ARL13B: variants seen among roughly 807,000 people sequenced by gnomAD.
The protein encoded by ARL13B is ARF like GTPase 13B.
Under a neutral mutation model 56.1 loss-of-function variants are expected in ARL13B, and 36 were observed. The observed-to-expected ratio is 0.64, with a 90% CI of 0.49 to 0.85. The LOEUF is 0.85. ARL13B is among the 40% of genes least tolerant of loss of function. ARL13B has a pLI of 0.00. For missense variants in ARL13B, 519 were observed against 507.1 expected (o/e 1.02, Z -0.23); for synonymous variants, 178 against 171.1 (o/e 1.04, Z -0.32).
At position 94,054,785 on chromosome 3, in the gene ARL13B, A is replaced by G; in HGVS notation, c.*1522A>G. ...ACTTAGCAACCACACTGAGTGAGGT[A>G]AAAGCATTTGATTTCAGATCTAAAA... On this transcript the variant is annotated 3_prime_UTR_variant, in exon 10 of 10. Coordinates refer to ENST00000394222, the MANE Select transcript of ARL13B (RefSeq NM_001174150.2). 1 of 403,306 alleles carries G rather than the reference A, an allele frequency of 2.5e-6. No individual in the cohort carries two copies. The highest frequency in any genetic ancestry group is 5.0e-6 in the Non-Finnish European group (1 of 201,860). 25.0% of individuals were successfully genotyped at this position (403,306 alleles called of 1,614,324 possible).
intron 2 of ARL13B, among the ~76,000 whole-genome samples, chr3:94,000,102 A>G (rs991313975): frequency 6.6e-6 from 1 of 152,174 alleles, no homozygotes; most frequent in African/African-American, 2.4e-5. Context: ...CATGACTAGA[A>G]GCAGTGGTGT....
At chr3:94,024,795 T>C (rs2076522228) in intron 3 of ARL13B, among the ~76,000 whole-genome samples, 1 of 152,090 alleles carries the variant, frequency 6.6e-6, no homozygotes, top group South Asian at 2.1e-4. Context: ...GCTGTGTTGC[T>C]CAGGCTGATC....
Position 94,054,020 on chromosome 3 carries a change from TAA to T in ARL13B, c.*759_*760del. ...TGAGACTGGAAATACCTTTTGTACC[TAA>T]ATGTTTTTTAAATTAATCAAAATAC... On this transcript the variant is annotated 3_prime_UTR_variant, in exon 10 of 10. Coordinates refer to ENST00000394222, the MANE Select transcript of ARL13B (RefSeq NM_001174150.2). The T allele has an allele frequency of 2.3e-6, 1 of 430,444 alleles. No homozygotes were observed. The highest frequency in any genetic ancestry group is 1.7e-5 in the South Asian group (1 of 59,394). The allele number at this position is 430,444 out of a possible 1,614,324, so 26.7% of individuals were successfully genotyped here. A position where few individuals can be genotyped will look rare whatever the true frequency, so the allele number is the denominator to read the frequency against.
chr3:93,991,825 G>T (rs2075882188), intron 1 of ARL13B, among the ~76,000 whole-genome samples: 2 of 152,086 alleles, frequency 1.3e-5, no homozygotes, highest in Non-Finnish European at 2.9e-5. Flanking sequence ...TTGTTATCAG[G>T]CTTTGCAGTA....
intron 3 of ARL13B, among the ~76,000 whole-genome samples, chr3:94,008,762 A>C (rs2076174030): frequency 6.6e-6 from 1 of 152,142 alleles, no homozygotes; most frequent in African/African-American, 2.4e-5. Context: ...CTGGAGAGGC[A>C]CAGGCTAAAA....
At chr3:94,018,956 G>A (rs542421760) in intron 3 of ARL13B, among the ~76,000 whole-genome samples, 17 of 152,106 alleles carry the variant, frequency 1.1e-4, no homozygotes, top group African/African-American at 4.1e-4. Flanking sequence ...ATTAACGACA[G>A]GGTTTCACCA....
chr3:94,027,806 A>G (rs910460340), intron 3 of ARL13B, among the ~76,000 whole-genome samples: 9 of 152,136 alleles, frequency 5.9e-5, no homozygotes, highest in Non-Finnish European at 1.2e-4. Flanking sequence ...TTGAAATATT[A>G]TAAAGGTTAG....
intron 5 of ARL13B, among the ~76,000 whole-genome samples, chr3:94,037,216 A>G (rs965431272): frequency 6.6e-6 from 1 of 152,208 alleles, no homozygotes; most frequent in Non-Finnish European, 1.5e-5. Flanking sequence ...ATCAGGCTTA[A>G]TATGTCAATA....
chr3:93,999,277 T>C (rs1244471860), intron 2 of ARL13B, among the ~76,000 whole-genome samples: 3 of 151,942 alleles, frequency 2.0e-5, no homozygotes. Flanking sequence ...GGTATCACTT[T>C]GTCATCTAGG....
chr3:94,042,748 A>G (rs1337219061), intron 6 of ARL13B, among the ~76,000 whole-genome samples: 1 of 152,222 alleles, frequency 6.6e-6, no homozygotes, highest in Non-Finnish European at 1.5e-5. Context: ...AACAGATTAT[A>G]TACGGAATAA....
chr3:93,991,045 A>G (rs1242111300), intron 1 of ARL13B, among the ~76,000 whole-genome samples: 1 of 152,282 alleles, frequency 6.6e-6, no homozygotes, highest in South Asian at 2.1e-4. Flanking sequence ...TTTATGTTTT[A>G]GTCACTGTCA....
intron 3 of ARL13B, among the ~76,000 whole-genome samples, chr3:94,004,479 A>G (rs1185111234): frequency 2.0e-5 from 3 of 152,124 alleles, no homozygotes; most frequent in Non-Finnish European, 4.4e-5. Flanking sequence ...CCCTCATAGC[A>G]TTTATGCATG....
chr3:94,012,951 G>A (rs35815512), intron 3 of ARL13B, among the ~76,000 whole-genome samples: 52,019 of 152,052 alleles, frequency 0.34, 10,949 homozygotes, highest in East Asian at 0.55. Flanking sequence ...TGAGATCCTT[G>A]TGTTGATTAC....
At chr3:94,024,165 C>T (rs558778579) in intron 3 of ARL13B, among the ~76,000 whole-genome samples, 5 of 152,260 alleles carry the variant, frequency 3.3e-5, no homozygotes, top group Non-Finnish European at 7.4e-5. Context: ...GAAAGGATCT[C>T]GCTCTTTTGT....
rs559666016 is a variant in ARL13B at position 94,040,360 on chromosome 3, A to T, written c.798+372A>T. 1.9e-4 allele frequency among the ~76,000 whole-genome samples: 29 copies of T among 152,254 alleles called. No individual in the cohort carries two copies. The South Asian group carries it at 6.0e-3, about 32-fold the overall frequency. On this transcript the variant is annotated intron_variant, in intron 6 of 9. Coordinates refer to ENST00000394222, the MANE Select transcript of ARL13B (RefSeq NM_001174150.2). Reference sequence around the variant, plus strand: ...TGTATTGCTGTTACTGTCCATCTGCAATATTTACTTAGAATGCATTAGGGT... The same window carrying T: ...TGTATTGCTGTTACTGTCCATCTGCTATATTTACTTAGAATGCATTAGGGT...
intron 2 of ARL13B, among the ~76,000 whole-genome samples, chr3:93,998,425 C>A (rs908176489): frequency 1.3e-5 from 2 of 152,066 alleles, no homozygotes. Context: ...AACTTCGAGC[C>A]CCACTCCCCA....
chr3:93,980,408 G>A lies in ARL13B; in HGVS notation c.-16G>A, dbSNP rs201408440. 1.1e-4 allele frequency: 180 copies of A among 1,611,630 alleles called. No homozygotes were observed. In the East Asian group the frequency reaches 3.4e-3, roughly 31 times the overall value. On this transcript the variant is annotated 5_prime_UTR_variant, in exon 1 of 10. Coordinates refer to ENST00000394222, the MANE Select transcript of ARL13B (RefSeq NM_001174150.2). ...CTCCGGGCTCGGATGGGAAGTGGTG[G>A]GAGGAGCGACCCGGGATGTTCAGTC...
Position 94,025,601 on chromosome 3 carries a change from C to T in ARL13B, c.381-9730C>T, listed in dbSNP as rs1427051419. On this transcript the variant is annotated intron_variant, in intron 3 of 9. Transcript: ENST00000394222. ...TTAGTGAAATTCGTCAGTAGCCTAGCTTCATTGGGGAGTTATACAAGAATG... is the reference window on the plus strand; with the variant it reads ...TTAGTGAAATTCGTCAGTAGCCTAGTTTCATTGGGGAGTTATACAAGAATG... Among the ~76,000 whole-genome samples, 3 of 152,252 alleles carry T rather than the reference C, an allele frequency of 2.0e-5. No homozygotes were observed. The East Asian group carries it at 5.8e-4, about 29-fold the overall frequency.
At chr3:94,041,455 G>C (rs2076860462) in intron 6 of ARL13B, among the ~76,000 whole-genome samples, 1 of 152,104 alleles carries the variant, frequency 6.6e-6, no homozygotes, top group African/African-American at 2.4e-5. Flanking sequence ...GTTACTAGTA[G>C]ATAATATAGA....
Sources: allele counts gnomAD v4.1 joint callset (sites outside exome capture counted in the v4.1 genomes callset), GRCh38; gene constraint gnomAD v4.1.1; transcripts MANE v1.5; gene names NCBI Gene and HGNC (gene_info 2026-07-23, HGNC 2026-07-21).